Variants in PARL observed in about 807,000 individuals in gnomAD.
PARL encodes the protein presenilin associated rhomboid like.
Under a neutral mutation model 51.6 loss-of-function variants are expected in PARL, and 44 were observed. The observed-to-expected ratio is 0.85, with a 90% confidence interval of 0.67 to 1.10. The LOEUF (loss-of-function observed/expected upper bound fraction) is 1.10, where lower values mean the gene tolerates loss of function less well. Among genes scored for constraint, PARL ranks in the 50% least tolerant of loss-of-function variants. The pLI is 0.00. For missense variants in PARL, 441 were observed against 469.5 expected (o/e 0.94, Z 0.56); for synonymous variants, 172 against 164.0 (o/e 1.05, Z -0.37).
chr3:183,829,773 G>C (rs1312144065), intron 9 of PARL, 64 bp from the exon 10 acceptor site: 1 of 1,282,360 alleles, frequency 7.8e-7, no homozygotes, highest in Admixed American at 1.7e-5. Context: ...AAGTAGCATG[G>C]TGACAGATCC....
intron 4 of PARL, among the ~76,000 whole-genome samples, chr3:183,860,484 G>C (rs925338174): frequency 3.9e-5 from 6 of 152,134 alleles, no homozygotes; most frequent in Non-Finnish European, 8.8e-5. Context: ...CATTTATGTT[G>C]TTCAAAGCAG....
chr3:183,867,461 G>T (rs1413610988), intron 2 of PARL, among the ~76,000 whole-genome samples: 1 of 152,054 alleles, frequency 6.6e-6, no homozygotes, highest in Non-Finnish European at 1.5e-5. Flanking sequence ...AGAACTTTGG[G>T]AGGCCAAGGC....
intron 4 of PARL, among the ~76,000 whole-genome samples, chr3:183,846,874 A>G (rs918285261): frequency 4.6e-5 from 7 of 152,240 alleles, no homozygotes; most frequent in South Asian, 2.1e-4. Context: ...TATAGATGAG[A>G]AAAACAGGCT....
At chr3:183,839,896 T>C (rs1308167221) in intron 7 of PARL, among the ~76,000 whole-genome samples, 1 of 152,074 alleles carries the variant, frequency 6.6e-6, no homozygotes, top group Non-Finnish European at 1.5e-5. Flanking sequence ...CCACCCCCAG[T>C]TAATTTTTTA....
intron 1 of PARL, among the ~76,000 whole-genome samples, chr3:183,884,294 CCCTT>C (rs1734868215): frequency 6.6e-6 from 1 of 152,198 alleles, no homozygotes; most frequent in African/African-American, 2.4e-5. Flanking sequence ...ACTTCGTCCT[CCCTT>C]AGATCACAAG....
At chr3:183,847,955 A>G (rs967591546) in intron 4 of PARL, among the ~76,000 whole-genome samples, 7 of 152,208 alleles carry the variant, frequency 4.6e-5, no homozygotes, top group African/African-American at 1.7e-4. Context: ...CTGACTCGGT[A>G]ACTCTTGGAC....
chr3:183,827,314 C>T (rs368428105), downstream of PARL, among the ~76,000 whole-genome samples: 6 of 151,958 alleles, frequency 3.9e-5, no homozygotes, highest in Admixed American at 6.6e-5. Flanking sequence ...ATTAGCCAGG[C>T]GTGGTAGTGT....
intron 4 of PARL, among the ~76,000 whole-genome samples, chr3:183,848,306 A>G (rs1730187116): frequency 6.6e-6 from 1 of 152,134 alleles, no homozygotes. Context: ...CAGTGGCGCA[A>G]TCTCCGCTCA....
chr3:183,864,949 A>G (rs1732293859), intron 3 of PARL, among the ~76,000 whole-genome samples: 1 of 144,838 alleles, frequency 6.9e-6, no homozygotes, highest in Admixed American at 7.1e-5. Context: ...CACAGTTTAG[A>G]GACACTCAAC....
At chr3:183,880,920 ATCC>A (rs1406871946) in intron 1 of PARL, among the ~76,000 whole-genome samples, 1 of 151,936 alleles carries the variant, frequency 6.6e-6, no homozygotes, top group African/African-American at 2.4e-5. Context: ...GCCTCAAGCA[ATCC>A]TCCTCCCTTA....
At chr3:183,842,221 A>G in intron 6 of PARL, 77 bp downstream of exon 6, 7 of 1,353,890 alleles carry the variant, frequency 5.2e-6, no homozygotes, top group Non-Finnish European at 7.4e-6. Flanking sequence ...ATATGGCAGT[A>G]ATCATTCCCT....
chr3:183,846,268 C>T (rs1253121817), intron 4 of PARL, among the ~76,000 whole-genome samples: 7 of 151,974 alleles, frequency 4.6e-5, no homozygotes, highest in African/African-American at 7.2e-5. Flanking sequence ...CTGAGGCGGA[C>T]GGATCACCTG....
chr3:183,860,835 A>C (rs1425092032), intron 4 of PARL, among the ~76,000 whole-genome samples: 1 of 75,298 alleles, frequency 1.3e-5, no homozygotes, highest in East Asian at 4.4e-4. Flanking sequence ...TTTTTTTTTG[A>C]GACAGAGTCT....
chr3:183,878,599 G>A (rs34039405), intron 1 of PARL, among the ~76,000 whole-genome samples: 7,587 of 152,244 alleles, frequency 0.05, 228 homozygotes, highest in East Asian at 0.079. Flanking sequence ...CAAGGCCTTA[G>A]TAGTTGTAAG....
chr3:183,849,646 A>G (rs1657235467), intron 4 of PARL, among the ~76,000 whole-genome samples: 1 of 152,122 alleles, frequency 6.6e-6, no homozygotes. Context: ...AATGAAGAAC[A>G]TACGTAAATG....
At chr3:183,878,889 G>C (rs1318658787) in intron 1 of PARL, among the ~76,000 whole-genome samples, 1 of 152,070 alleles carries the variant, frequency 6.6e-6, no homozygotes, top group Admixed American at 6.6e-5. Context: ...AAGAATATGC[G>C]ACAAAGACCA....
At chr3:183,882,854 A>C (rs1734722518) in intron 1 of PARL, among the ~76,000 whole-genome samples, 1 of 152,178 alleles carries the variant, frequency 6.6e-6, no homozygotes, top group Non-Finnish European at 1.5e-5. Context: ...GCCTATTATT[A>C]ATACATCAAA....
chr3:183,846,442 G>C, intron 4 of PARL: 1 of 792,884 alleles, frequency 1.3e-6, no homozygotes, highest in Non-Finnish European at 1.5e-6. Context: ...GAGGTGAGCC[G>C]AGATCACGCC....
intron 1 of PARL, chr3:183,883,796 C>T: frequency 1.7e-6 from 1 of 578,914 alleles, no homozygotes; most frequent in Non-Finnish European, 2.2e-6. Context: ...CACCCCTCTC[C>T]TGATTGTGAT....
Sources: allele counts gnomAD v4.1 joint callset (sites outside exome capture counted in the v4.1 genomes callset), GRCh38; gene constraint gnomAD v4.1.1; transcripts MANE v1.5; gene names NCBI Gene and HGNC (gene_info 2026-07-23, HGNC 2026-07-21).